Variants in NFIC observed in about 807,000 individuals in gnomAD.
The protein encoded by NFIC is nuclear factor I C.
A neutral mutation model predicts 54.4 loss-of-function variants in NFIC; 12 were observed. The observed-to-expected ratio is 0.22, with a 90% CI of 0.14 to 0.36. The LOEUF (loss-of-function observed/expected upper bound fraction) is 0.36, where lower values mean the gene tolerates loss of function less well. NFIC is among the 10% of genes least tolerant of loss of function. The probability of loss-of-function intolerance (pLI) is 1.00; values close to 1 mark genes in which losing one functional copy is unlikely to be tolerated. For synonymous variants in NFIC, 322 were observed against 319.2 expected (o/e 1.01, Z -0.09); for missense variants, 575 against 718.2 (o/e 0.80, Z 2.28).
chr19:3,420,150 G>A (rs573134640), intron 2 of NFIC, among the ~76,000 whole-genome samples: 3 of 152,128 alleles, frequency 2.0e-5, no homozygotes, highest in Non-Finnish European at 2.9e-5. Context: ...GCGAAAACCC[G>A]TATCTACAAA....
In NFIC at chr19:3,463,343, G is replaced by A; in HGVS notation, c.*574G>A. 1 of 986,684 alleles carries A rather than the reference G, an allele frequency of 1.0e-6. No individual in the cohort carries two copies. The highest frequency in any genetic ancestry group is 1.2e-6 in the Non-Finnish European group (1 of 830,940). 61.1% of individuals were successfully genotyped at this position (986,684 alleles called of 1,614,324 possible). ...GAGGACGCAGCCACTGGGGGGAAAG[G>A]GAGACACAGCGGACCCCGGCCGGGC... On this transcript the variant is annotated 3_prime_UTR_variant, in exon 11 of 11. Coordinates refer to ENST00000443272, the MANE Select transcript of NFIC (RefSeq NM_001245002.2).
chr19:3,384,859 G>A (rs1164479061), intron 2 of NFIC, among the ~76,000 whole-genome samples: 1 of 152,138 alleles, frequency 6.6e-6, no homozygotes, highest in Non-Finnish European at 1.5e-5. Flanking sequence ...GGGCCACCGT[G>A]GGGACGGAGG....
chr19:3,410,440 G>A (rs915858892), intron 2 of NFIC, among the ~76,000 whole-genome samples: 3 of 152,220 alleles, frequency 2.0e-5, no homozygotes, highest in African/African-American at 4.8e-5. Context: ...AGGCAGAGGC[G>A]CAGCCCGTGC....
rs1481589385 is a variant in NFIC at position 3,453,688 on chromosome 19, G to A, written c.1270-75G>A. On this transcript the variant is annotated intron_variant, in intron 8 of 10. Transcript: ENST00000443272. The surrounding 1 kb of genome is among the most constrained non-coding windows in gnomAD (Gnocchi z 6.7). ...CCCCGTCCGGGCCGTGCACAGAGCCGGGGGCGGCCGGCGCCAGCAGCCCGA... is the reference window on the plus strand; with the variant it reads ...CCCCGTCCGGGCCGTGCACAGAGCCAGGGGCGGCCGGCGCCAGCAGCCCGA... The A allele has an allele frequency of 7.3e-6, 11 of 1,509,876 alleles. No homozygotes were observed. Among genetic ancestry groups the A allele is most frequent in the Non-Finnish European group, 9.7e-6 (11 of 1,134,588 alleles). The allele number at this position is 1,509,876 out of a possible 1,614,324, so 93.5% of individuals were successfully genotyped here.
At position 3,464,311 on chromosome 19, in the gene NFIC, G is replaced by C. The variant is rs1206319753; in HGVS notation, c.*1542G>C. 1.0e-6 allele frequency: 1 copy of C among 984,948 alleles called. No individual in the cohort carries two copies. The highest frequency in any genetic ancestry group is 1.2e-6 in the Non-Finnish European group (1 of 829,802). The allele number at this position is 984,948 out of a possible 1,614,324, so 61.0% of individuals were successfully genotyped here. ...TCGGCGTCGCACCTTGGGGCCCCCC[G>C]CAGCCGTGTAGGGGGCCTCCCATCT... On this transcript the variant is annotated 3_prime_UTR_variant, in exon 11 of 11. Transcript: ENST00000443272.
chr19:3,367,259 C>T (rs1006655039), intron 1 of NFIC, among the ~76,000 whole-genome samples: 2 of 152,096 alleles, frequency 1.3e-5, no homozygotes, highest in Admixed American at 6.5e-5. Flanking sequence ...AGTTGGAGGC[C>T]CAGGAGGGGG....
At chr19:3,365,122 C>T (rs2080864361), upstream of NFIC, among the ~76,000 whole-genome samples, 1 of 152,122 alleles carries the variant, frequency 6.6e-6, no homozygotes. Flanking sequence ...CCTGTCAGAC[C>T]CTGGGCAAGT....
intron 2 of NFIC, among the ~76,000 whole-genome samples, chr19:3,405,047 C>T (rs1039901548): frequency 6.6e-6 from 1 of 152,204 alleles, no homozygotes; most frequent in Non-Finnish European, 1.5e-5. Flanking sequence ...CGGGAGGGCC[C>T]GGAGCCAGGC....
chr19:3,406,261 T>A (rs2081647208), intron 2 of NFIC, among the ~76,000 whole-genome samples: 2 of 151,934 alleles, frequency 1.3e-5, no homozygotes, highest in South Asian at 2.1e-4. Flanking sequence ...CCCTGCTAAT[T>A]TTTTGTGTTT....
intron 7 of NFIC, among the ~76,000 whole-genome samples, chr19:3,451,793 C>T (rs1440312988): frequency 6.7e-6 from 1 of 148,250 alleles, no homozygotes; most frequent in Non-Finnish European, 1.5e-5. Flanking sequence ...CCCTGAAGGC[C>T]ACCCTGTCAT....
In NFIC at chr19:3,369,531, C is replaced by A. The variant is rs1011249674; in HGVS notation, c.30+2865C>A. Reference sequence around the variant, plus strand: ...GGCTGGCGGGGGGTGGGGGGCATCTCGGTGCCAGCCCGCTCTGTGCCACCC... The same window carrying A: ...GGCTGGCGGGGGGTGGGGGGCATCTAGGTGCCAGCCCGCTCTGTGCCACCC... On this transcript the variant is annotated intron_variant, in intron 1 of 10. Transcript: ENST00000443272. This position sits in a 1 kb window ranked among gnomAD's most constrained non-coding sequence, Gnocchi z 4.3. Among the ~76,000 whole-genome samples, 1 of 152,240 alleles carries A rather than the reference C, an allele frequency of 6.6e-6. No homozygotes were observed. The highest frequency in any genetic ancestry group is 2.1e-4 in the South Asian group (1 of 4,838).
chr19:3,404,495 G>T (rs538414522), intron 2 of NFIC, among the ~76,000 whole-genome samples: 1 of 152,136 alleles, frequency 6.6e-6, no homozygotes, highest in Non-Finnish European at 1.5e-5. Context: ...TTGGCACCAC[G>T]TGTTTAACCC....
rs949951158 is a variant in NFIC, at chr19:3,445,513, C to T, written c.959-3501C>T. Reference sequence around the variant, plus strand: ...TGTGGGTGTCCTGGGTGCCCGCCTCCTCCAGAGCCGGGTGTTCCCGGGTCC... The same window carrying T: ...TGTGGGTGTCCTGGGTGCCCGCCTCTTCCAGAGCCGGGTGTTCCCGGGTCC... On this transcript the variant is annotated intron_variant, in intron 6 of 10. Transcript: ENST00000443272. 4.1e-4 allele frequency among the ~76,000 whole-genome samples: 63 copies of T among 152,216 alleles called. 1 individual carries two copies. The highest frequency in any genetic ancestry group is 1.5e-3 in the African/African-American group (63 of 41,450).
intron 2 of NFIC, among the ~76,000 whole-genome samples, chr19:3,403,557 A>AG (rs1289360546): frequency 6.6e-6 from 1 of 152,166 alleles, no homozygotes; most frequent in Non-Finnish European, 1.5e-5. Flanking sequence ...CGCCAAAGCC[A>AG]GGGCGTTTGG....
At position 3,370,779 on chromosome 19, in the gene NFIC, C is replaced by G. The variant is rs1183513214; in HGVS notation, c.30+4113C>G. Among the ~76,000 whole-genome samples the G allele has an allele frequency of 6.6e-6, 1 of 152,074 alleles. No individual in the cohort carries two copies. Among genetic ancestry groups the G allele is most frequent in the Non-Finnish European group, 1.5e-5 (1 of 68,004 alleles). ...CTGTCTCTCTGAGCTGGCCTCCCTC[C>G]CTGTCTCACACCAAATGGATGGGAA... On this transcript the variant is annotated intron_variant, in intron 1 of 10. Transcript: ENST00000443272. The surrounding 1 kb of genome is among the most constrained non-coding windows in gnomAD (Gnocchi z 5.2).
At chr19:3,366,464 A>AG (rs1239818478), upstream of NFIC, 1 of 489,738 alleles carries the variant, frequency 2.0e-6, no homozygotes, top group African/African-American at 2.2e-5. Context: ...GGCGCGAGAG[A>AG]GGGAGAGCAG....
chr19:3,373,141 G>A (rs1599561888), intron 1 of NFIC, among the ~76,000 whole-genome samples: 1 of 152,148 alleles, frequency 6.6e-6, no homozygotes, highest in African/African-American at 2.4e-5. Context: ...CACCGCGCCC[G>A]GCCCCTATTT....
In NFIC at chr19:3,458,049, G is replaced by T; in HGVS notation, c.1509+1414G>T. On this transcript the variant is annotated intron_variant, in intron 10 of 10. Coordinates refer to ENST00000443272, the MANE Select transcript of NFIC (RefSeq NM_001245002.2). This position sits in a 1 kb window ranked among gnomAD's most constrained non-coding sequence, Gnocchi z 4.1. The stretch of plus-strand genomic sequence containing the variant: ...CCTCTGTCTCTTCCTCTGGCCTTGG[G>T]CACCCGCACCAAGAGCCTTTGAAGG... The T allele has an allele frequency of 6.6e-6, 1 of 152,470 alleles. No homozygotes were observed. Among genetic ancestry groups the T allele is most frequent in the Non-Finnish European group, 1.5e-5 (1 of 68,122 alleles). 9.4% of individuals were successfully genotyped at this position (152,470 alleles called of 1,614,324 possible). A position where few individuals can be genotyped will look rare whatever the true frequency, so the allele number is the denominator to read the frequency against.
At chr19:3,457,434 G>T (rs1860194) in intron 10 of NFIC, among the ~76,000 whole-genome samples, 23,404 of 151,834 alleles carry the variant, frequency 0.15, 4,665 homozygotes, top group African/African-American at 0.47. Context: ...CCAGGCCCAG[G>T]TGTCCCTCAC....
Sources: gnomAD v4.1 joint callset for allele counts (sites outside exome capture counted in the v4.1 genomes callset) on GRCh38, gnomAD v4.1.1 for gene constraint, Gnocchi (gnomAD v3.1) non-coding constraint, MANE v1.5 for transcripts, NCBI Gene and HGNC (gene_info 2026-07-23, HGNC 2026-07-21) for gene names.